Variants in GPR176 observed in about 807,000 individuals in gnomAD.
The protein encoded by GPR176 is G protein-coupled receptor 176.
GPR176 carries 26 observed loss-of-function variants against 35.4 expected under a neutral mutation model. The ratio of observed to expected loss-of-function variants is 0.74; its 90% CI spans 0.54 to 1.02. GPR176 has a LOEUF of 1.02. Among genes scored for constraint, GPR176 ranks in the 50% least tolerant of loss-of-function variants. GPR176 has a pLI of 0.00. For synonymous variants in GPR176, 278 were observed against 271.3 expected (o/e 1.02, Z -0.24); for missense variants, 597 against 665.3 (o/e 0.90, Z 1.13).
intron 1 of GPR176, among the ~76,000 whole-genome samples, chr15:39,848,008 G>C (rs575492218): frequency 3.9e-5 from 6 of 152,178 alleles, no homozygotes; most frequent in African/African-American, 1.4e-4. Flanking sequence ...AGGGGGAGGT[G>C]CTACACACTT....
chr15:39,852,097 G>A (rs1398412055), intron 1 of GPR176, among the ~76,000 whole-genome samples: 2 of 152,012 alleles, frequency 1.3e-5, no homozygotes, highest in Non-Finnish European at 2.9e-5. Context: ...TATTCTTCTG[G>A]TCTAGTGTTT....
chr15:39,835,603 A>G (rs189893682), intron 1 of GPR176, among the ~76,000 whole-genome samples: 34 of 152,234 alleles, frequency 2.2e-4, no homozygotes, highest in Middle Eastern at 3.4e-3. Context: ...GGTGGAAGCT[A>G]GAGCTCCAGC....
At chr15:39,819,829 C>G (rs958640287) in intron 1 of GPR176, among the ~76,000 whole-genome samples, 1 of 152,208 alleles carries the variant, frequency 6.6e-6, no homozygotes, top group Non-Finnish European at 1.5e-5. Flanking sequence ...TGAGCCTGAT[C>G]GTGCTTCAGT....
intron 1 of GPR176, among the ~76,000 whole-genome samples, chr15:39,860,001 A>G (rs937710657): frequency 2.6e-5 from 4 of 152,316 alleles, no homozygotes; most frequent in African/African-American, 9.6e-5. Context: ...ATCAAAAAAA[A>G]AAAAGCCATT....
chr15:39,877,449 T>G (rs1215046836), intron 1 of GPR176, among the ~76,000 whole-genome samples: 1 of 152,190 alleles, frequency 6.6e-6, no homozygotes, highest in Admixed American at 6.5e-5. Context: ...CTAAACATTT[T>G]ATTGCCTTGT....
chr15:39,804,222 C>A (rs1181118868), intron 2 of GPR176, among the ~76,000 whole-genome samples: 1 of 152,146 alleles, frequency 6.6e-6, no homozygotes, highest in Non-Finnish European at 1.5e-5. Flanking sequence ...AGTGTGTACA[C>A]CTCTAAACAG....
At chr15:39,868,212 C>A (rs1040571397) in intron 1 of GPR176, among the ~76,000 whole-genome samples, 1 of 152,178 alleles carries the variant, frequency 6.6e-6, no homozygotes, top group African/African-American at 2.4e-5. Flanking sequence ...GGATCACGAA[C>A]AGCCACCCAC....
In GPR176 at chr15:39,897,599, A is replaced by ATTTTTTTTTTTTTTTT. The variant is rs386382791; in HGVS notation, c.172+22240_172+22255dup. Among the ~76,000 whole-genome samples, 3 of 88,524 alleles carry ATTTTTTTTTTTTTTTT rather than the reference A, an allele frequency of 3.4e-5. 1 individual carries two copies. The highest frequency in any genetic ancestry group is 9.0e-5 in the African/African-American group (2 of 22,154). The allele number at this position is 88,524 out of a possible 152,430, so 58.1% of individuals were successfully genotyped here. ...GAGAGATCATGAGAAACATCCAAAT[A>ATTTTTTTTTTTTTTTT]TTTTTTTTTTTTTTTTTTTTTTTTT... On this transcript the variant is annotated intron_variant, in intron 1 of 2. Transcript: ENST00000561100.
intron 1 of GPR176, among the ~76,000 whole-genome samples, chr15:39,910,536 C>A (rs182772639): frequency 1.3e-5 from 2 of 151,290 alleles, no homozygotes; most frequent in African/African-American, 4.9e-5. Context: ...CCAGCCTGGG[C>A]AACAAGAGCA....
At chr15:39,884,273 G>T (rs1181791172) in intron 1 of GPR176, among the ~76,000 whole-genome samples, 2 of 152,158 alleles carry the variant, frequency 1.3e-5, no homozygotes, top group Non-Finnish European at 2.9e-5. Flanking sequence ...ACCAATATTT[G>T]GAAAGTTTCT....
chr15:39,884,685 G>C (rs1595505522), intron 1 of GPR176, among the ~76,000 whole-genome samples: 2 of 152,256 alleles, frequency 1.3e-5, no homozygotes, highest in Admixed American at 1.3e-4. Context: ...CTTAGGTGTT[G>C]TATACCAGGC....
chr15:39,831,175 A>G (rs1901055697), intron 1 of GPR176, among the ~76,000 whole-genome samples: 1 of 152,168 alleles, frequency 6.6e-6, no homozygotes, highest in African/African-American at 2.4e-5. Context: ...CTTGGTTTCT[A>G]TGACTGCCAA....
chr15:39,850,146 T>C (rs958938635), intron 1 of GPR176, among the ~76,000 whole-genome samples: 8 of 152,308 alleles, frequency 5.3e-5, no homozygotes, highest in South Asian at 2.1e-4. Context: ...AGTGAGTGAA[T>C]GTGAAGGCCT....
intron 1 of GPR176, among the ~76,000 whole-genome samples, chr15:39,828,670 G>A (rs1339568655): frequency 6.6e-6 from 1 of 152,024 alleles, no homozygotes; most frequent in Non-Finnish European, 1.5e-5. Flanking sequence ...ATTTTCCTCT[G>A]CTCCAATAAA....
intron 1 of GPR176, among the ~76,000 whole-genome samples, chr15:39,903,091 C>T (rs149882339): frequency 2.5e-4 from 38 of 152,328 alleles, no homozygotes; most frequent in African/African-American, 8.7e-4. Context: ...TTTTCTCCAA[C>T]TGTTGGCTAA....
At chr15:39,830,733 T>C (rs1901018961) in intron 1 of GPR176, among the ~76,000 whole-genome samples, 1 of 152,242 alleles carries the variant, frequency 6.6e-6, no homozygotes, top group Non-Finnish European at 1.5e-5. Context: ...TCAACTTTAA[T>C]GCTCTATTTT....
At chr15:39,837,881 T>C (rs942325990) in intron 1 of GPR176, among the ~76,000 whole-genome samples, 2 of 151,488 alleles carry the variant, frequency 1.3e-5, no homozygotes, top group Non-Finnish European at 2.9e-5. Context: ...TGGCCAATCA[T>C]GGTGGCTCAT....
At chr15:39,876,445 C>A (rs1174438528) in intron 1 of GPR176, among the ~76,000 whole-genome samples, 1 of 151,994 alleles carries the variant, frequency 6.6e-6, no homozygotes, top group Non-Finnish European at 1.5e-5. Flanking sequence ...TCTCTCTCAT[C>A]TTCTTGCATA....
At chr15:39,830,403 G>A (rs1595459645) in intron 1 of GPR176, among the ~76,000 whole-genome samples, 1 of 152,276 alleles carries the variant, frequency 6.6e-6, no homozygotes, top group Non-Finnish European at 1.5e-5. Context: ...GAGGAAGGAG[G>A]ACCCAATGGG....
Sources: gnomAD v4.1 joint callset for allele counts (sites outside exome capture counted in the v4.1 genomes callset) on GRCh38, gnomAD v4.1.1 for gene constraint, MANE v1.5 for transcripts, NCBI Gene and HGNC (gene_info 2026-07-23, HGNC 2026-07-21) for gene names.